Variants in ITGB6 observed in about 807,000 individuals in gnomAD.
ITGB6 encodes integrin subunit beta 6.
ITGB6 carries 80 observed loss-of-function variants against 84.5 expected under a neutral mutation model. The ratio of observed to expected loss-of-function variants is 0.95; its 90% confidence interval spans 0.79 to 1.14. The LOEUF (loss-of-function observed/expected upper bound fraction) is 1.14, where lower values mean the gene tolerates loss of function less well. Ranked by LOEUF, ITGB6 falls within the 50% of genes most tolerant of loss-of-function variation. The probability of loss-of-function intolerance (pLI) is 0.00; values close to 1 mark genes in which losing one functional copy is unlikely to be tolerated. For synonymous variants in ITGB6, 383 were observed against 354.9 expected, an observed-to-expected ratio of 1.08 and a Z score of -0.89; for missense variants, 1,006 against 968.0, an observed-to-expected ratio of 1.04 and a Z score of -0.52.
chr2:160,119,173 T>C (rs1193882371), intron 12 of ITGB6, among the ~76,000 whole-genome samples: 1 of 152,118 alleles, frequency 6.6e-6, no homozygotes, highest in Non-Finnish European at 1.5e-5. Context: ...TACTTTAAAG[T>C]TCATATGGAA....
chr2:160,127,401 C>A (rs10206397), intron 10 of ITGB6, among the ~76,000 whole-genome samples: 6 of 152,222 alleles, frequency 3.9e-5, no homozygotes, highest in Non-Finnish European at 5.9e-5. Flanking sequence ...TCTATTGATT[C>A]CAGGTCTTTA....
At position 160,199,870 on chromosome 2, in the gene ITGB6, A is replaced by C. The variant is rs553140057; in HGVS notation, c.61+133T>G. On this transcript the variant is annotated intron_variant, in intron 1 of 14. Coordinates refer to ENST00000283249, the MANE Select transcript of ITGB6 (RefSeq NM_000888.5). ...CCCGGTGTTTGTCTGTAATTTGTTA[A>C]AGTGTTCACTCAGTCACAAAAGAGC... 17 of 681,766 alleles carry C rather than the reference A, an allele frequency of 2.5e-5. No homozygotes were observed. In the East Asian group the frequency reaches 3.8e-4, roughly 15 times the overall value. 42.2% of individuals were successfully genotyped at this position (681,766 alleles called of 1,614,324 possible). A position where few individuals can be genotyped will look rare whatever the true frequency, so the allele number is the denominator to read the frequency against.
intron 4 of ITGB6, among the ~76,000 whole-genome samples, chr2:160,188,811 G>A (rs537715914): frequency 1.1e-3 from 173 of 151,976 alleles, no homozygotes; most frequent in African/African-American, 3.8e-3. Context: ...TTACCACATT[G>A]GCCAGGCTGG....
At chr2:160,109,531 C>T (rs775476643) in intron 13 of ITGB6, among the ~76,000 whole-genome samples, 10 of 152,164 alleles carry the variant, frequency 6.6e-5, no homozygotes, top group Non-Finnish European at 1.3e-4. Flanking sequence ...TGCGGTCTGG[C>T]AGAGATAATT....
intron 10 of ITGB6, among the ~76,000 whole-genome samples, chr2:160,130,044 A>G (rs751268060): frequency 5.9e-5 from 9 of 152,102 alleles, no homozygotes; most frequent in Non-Finnish European, 1.3e-4. Context: ...AACACCATAG[A>G]GTATATGTAC....
At chr2:160,154,324 A>C (rs951284519) in intron 7 of ITGB6, among the ~76,000 whole-genome samples, 7 of 152,144 alleles carry the variant, frequency 4.6e-5, no homozygotes, top group Non-Finnish European at 1.0e-4. Context: ...TCAGCAAACT[A>C]TCACAAGGAC....
intron 7 of ITGB6, among the ~76,000 whole-genome samples, chr2:160,165,028 T>C (rs1218868654): frequency 6.6e-6 from 1 of 152,180 alleles, no homozygotes; most frequent in Non-Finnish European, 1.5e-5. Flanking sequence ...CCAGATACTA[T>C]CAATTAAGGA....
At chr2:160,189,539 CGAAGGATAT>C (rs1317310879) in intron 4 of ITGB6, among the ~76,000 whole-genome samples, 2 of 152,094 alleles carry the variant, frequency 1.3e-5, no homozygotes, top group Non-Finnish European at 2.9e-5. Context: ...AAAAAGTGGG[CGAAGGATAT>C]GAACAGACAC....
intron 12 of ITGB6, among the ~76,000 whole-genome samples, chr2:160,121,051 A>T (rs1216450717): frequency 1.3e-5 from 2 of 152,090 alleles, no homozygotes; most frequent in Non-Finnish European, 2.9e-5. Flanking sequence ...CCTAAAACTT[A>T]AAGTATAATG....
chr2:160,172,537 C>T, intron 6 of ITGB6, 32 bp downstream of exon 6: 2 of 1,545,080 alleles, frequency 1.3e-6, no homozygotes, highest in Non-Finnish European at 8.9e-7. Flanking sequence ...TACTTATAGC[C>T]CTGAAAACAG....
chr2:160,176,209 G>T (rs1685414853), intron 4 of ITGB6, among the ~76,000 whole-genome samples: 1 of 152,150 alleles, frequency 6.6e-6, no homozygotes, highest in African/African-American at 2.4e-5. Context: ...TCCCCCATCT[G>T]TGGTCCACTT....
intron 4 of ITGB6, among the ~76,000 whole-genome samples, chr2:160,179,669 G>A (rs1191830797): frequency 6.6e-6 from 1 of 151,280 alleles, no homozygotes; most frequent in African/African-American, 2.4e-5. Context: ...TGGGATTACA[G>A]GTGTGAGCTA....
At chr2:160,147,679 A>G (rs977262848) in intron 7 of ITGB6, among the ~76,000 whole-genome samples, 2 of 152,228 alleles carry the variant, frequency 1.3e-5, no homozygotes, top group African/African-American at 4.8e-5. Context: ...CTACATAAAT[A>G]TAGTCAACTG....
intron 10 of ITGB6, among the ~76,000 whole-genome samples, chr2:160,127,679 C>G (rs1196789472): frequency 6.6e-6 from 1 of 152,196 alleles, no homozygotes; most frequent in Admixed American, 6.5e-5. Flanking sequence ...GAGTTTGGCT[C>G]TTTTCATCCA....
At chr2:160,185,337 C>T (rs1685850994) in intron 4 of ITGB6, among the ~76,000 whole-genome samples, 1 of 152,122 alleles carries the variant, frequency 6.6e-6, no homozygotes, top group African/African-American at 2.4e-5. Context: ...ACACCAATAA[C>T]AGACAGAGAG....
chr2:160,107,619 A>T, intron 14 of ITGB6, 60 bp downstream of exon 14: 1 of 1,501,218 alleles, frequency 6.7e-7, no homozygotes, highest in South Asian at 1.1e-5. Context: ...TGAGCCCCTC[A>T]ATCTCTTCCA....
intron 10 of ITGB6, among the ~76,000 whole-genome samples, chr2:160,130,734 TC>T (rs777889679): frequency 1.3e-5 from 2 of 152,210 alleles, no homozygotes; most frequent in Non-Finnish European, 2.9e-5. Context: ...TTTTGTTTCT[TC>T]CTCAACAAAA....
At chr2:160,116,167 C>T (rs549919320) in intron 12 of ITGB6, among the ~76,000 whole-genome samples, 2 of 151,138 alleles carry the variant, frequency 1.3e-5, no homozygotes, top group East Asian at 3.9e-4. Context: ...GAGAACGCCA[C>T]AAAGATACTC....
intron 10 of ITGB6, among the ~76,000 whole-genome samples, chr2:160,127,874 T>C (rs1159096512): frequency 6.6e-6 from 1 of 152,180 alleles, no homozygotes; most frequent in Non-Finnish European, 1.5e-5. Context: ...CACCCCTCTA[T>C]ATCACTCAAG....
Sources: gnomAD v4.1 joint callset for allele counts (sites outside exome capture counted in the v4.1 genomes callset) on GRCh38, gnomAD v4.1.1 for gene constraint, MANE v1.5 for transcripts, NCBI Gene and HGNC (gene_info 2026-07-23, HGNC 2026-07-21) for gene names.